CADM2: variants seen among roughly 807,000 people sequenced by gnomAD.
CADM2 encodes immunoglobulin superfamily member 4D.
In CADM2, 12 loss-of-function variants were observed where a neutral mutation model predicts 49.8. The observed-to-expected ratio is 0.24, with a 90% CI of 0.15 to 0.39. The LOEUF is 0.39. Ranked by LOEUF, CADM2 falls within the 10% of genes least tolerant of loss-of-function variation. The pLI is 1.00. For missense variants in CADM2, 378 were observed against 492.3 expected, an observed-to-expected ratio of 0.77 and a Z score of 2.20; for synonymous variants, 214 against 175.4, an observed-to-expected ratio of 1.22 and a Z score of -1.74.
At chr3:85,538,637 T>C (rs2061475149) in intron 1 of CADM2, among the ~76,000 whole-genome samples, 2 of 152,260 alleles carry the variant, frequency 1.3e-5, no homozygotes, top group Middle Eastern at 3.4e-3. Context: ...CACTATGTTG[T>C]ATAAAATTTT....
In CADM2 at chr3:85,986,866, G is replaced by A. The variant is rs533299093; in HGVS notation, c.970+25219G>A. Among the ~76,000 whole-genome samples the A allele has an allele frequency of 3.2e-3, 494 of 152,152 alleles. 1 individual carries two copies. The highest frequency in any genetic ancestry group is 5.2e-3 in the Non-Finnish European group (355 of 67,988). On this transcript the variant is annotated intron_variant, in intron 8 of 9. Transcript: ENST00000383699. ...GTGGCTGCAGGCAGGATGTGGGTAG[G>A]AATACTGGCTTGGGGGTCCAGGATT...
chr3:85,736,660 C>T (rs1160136908), intron 2 of CADM2, among the ~76,000 whole-genome samples: 1 of 151,666 alleles, frequency 6.6e-6, no homozygotes, highest in Non-Finnish European at 1.5e-5. Context: ...ATTATTATTT[C>T]CTTGTTTGCT....
intron 1 of CADM2, among the ~76,000 whole-genome samples, chr3:85,380,503 AATT>A (rs2107352032): frequency 6.6e-6 from 1 of 152,052 alleles, no homozygotes. Flanking sequence ...CCCAATTTTT[AATT>A]ATTAAGAATG....
intron 1 of CADM2, among the ~76,000 whole-genome samples, chr3:85,500,436 A>G (rs1323129278): frequency 6.6e-6 from 1 of 152,158 alleles, no homozygotes; most frequent in Non-Finnish European, 1.5e-5. Context: ...TTAGTAATAC[A>G]TAAAATAATG....
chr3:85,942,749 G>C (rs533460247), intron 7 of CADM2, among the ~76,000 whole-genome samples: 47 of 151,874 alleles, frequency 3.1e-4, no homozygotes, highest in African/African-American at 1.1e-3. Flanking sequence ...GGACATTTGG[G>C]TTGGTTCCAA....
At chr3:85,712,805 G>T (rs1164093165) in intron 1 of CADM2, among the ~76,000 whole-genome samples, 1 of 151,606 alleles carries the variant, frequency 6.6e-6, no homozygotes, top group Non-Finnish European at 1.5e-5. Flanking sequence ...GGTCATGTTT[G>T]ACTTTTTATT....
chr3:85,280,091 T>C (rs1275977363), intron 1 of CADM2, among the ~76,000 whole-genome samples: 1 of 151,664 alleles, frequency 6.6e-6, no homozygotes, highest in Non-Finnish European at 1.5e-5. Context: ...TATCATATCA[T>C]TGCCAAGACC....
intron 6 of CADM2, among the ~76,000 whole-genome samples, chr3:85,930,353 T>C (rs1008199905): frequency 6.6e-6 from 1 of 152,102 alleles, no homozygotes; most frequent in African/African-American, 2.4e-5. Flanking sequence ...ATTTATGGGG[T>C]ACATGAGATG....
intron 1 of CADM2, among the ~76,000 whole-genome samples, chr3:85,557,860 A>G (rs68028504): frequency 0.51 from 77,561 of 151,616 alleles, 22,892 homozygotes; most frequent in East Asian, 0.85. Context: ...TCATAAAGAC[A>G]TTTTTTGCTA....
chr3:85,298,183 C>T (rs1262686285), intron 1 of CADM2, among the ~76,000 whole-genome samples: 1 of 152,050 alleles, frequency 6.6e-6, no homozygotes, highest in Non-Finnish European at 1.5e-5. Flanking sequence ...TGCAGGTTGA[C>T]ATTGCTGAGT....
intron 1 of CADM2, among the ~76,000 whole-genome samples, chr3:85,326,815 A>ATTAT (rs1207429143): frequency 6.6e-6 from 1 of 152,150 alleles, no homozygotes; most frequent in Non-Finnish European, 1.5e-5. Context: ...CTTAAATATA[A>ATTAT]TTATATGGTG....
intron 1 of CADM2, among the ~76,000 whole-genome samples, chr3:84,969,470 T>G (rs2031255730): frequency 6.6e-6 from 1 of 151,694 alleles, no homozygotes; most frequent in South Asian, 2.1e-4. Flanking sequence ...CGTATATTAT[T>G]ATTATAGTAT....
At chr3:85,273,921 G>C (rs1246327131) in intron 1 of CADM2, among the ~76,000 whole-genome samples, 1 of 151,408 alleles carries the variant, frequency 6.6e-6, no homozygotes, top group Non-Finnish European at 1.5e-5. Context: ...GTTTACAGGA[G>C]AGGAAGATAA....
intron 1 of CADM2, among the ~76,000 whole-genome samples, chr3:85,115,828 T>C (rs1205014880): frequency 1.3e-5 from 2 of 152,162 alleles, no homozygotes; most frequent in African/African-American, 2.4e-5. Context: ...TGTGAGCTCA[T>C]GGTGATGGCA....
intron 2 of CADM2, among the ~76,000 whole-genome samples, chr3:85,792,978 A>G (rs1413552201): frequency 6.6e-6 from 1 of 152,030 alleles, no homozygotes; most frequent in Non-Finnish European, 1.5e-5. Context: ...TAGACAGTGA[A>G]GGCACCATGG....
At chr3:85,878,098 G>A (rs75070642) in intron 3 of CADM2, among the ~76,000 whole-genome samples, 3 of 152,022 alleles carry the variant, frequency 2.0e-5, no homozygotes, top group African/African-American at 7.2e-5. Flanking sequence ...AATCTTGTTA[G>A]GCAGCTCTAT....
intron 1 of CADM2, among the ~76,000 whole-genome samples, chr3:84,996,704 C>A (rs2033196600): frequency 1.3e-5 from 2 of 151,930 alleles, no homozygotes; most frequent in South Asian, 4.1e-4. Context: ...TGTCTGGTAA[C>A]TTTAGAATAT....
At position 85,467,820 on chromosome 3, in the gene CADM2, G is replaced by A. The variant is rs1261254485; in HGVS notation, c.62-258702G>A. On this transcript the variant is annotated intron_variant, in intron 1 of 9. Transcript: ENST00000383699. Reference sequence around the variant, plus strand: ...AAGGCCAACCCTGATGTAGAGATATGTGTGAAAGCACAGCAGGTCCTGAAA... The same window carrying A: ...AAGGCCAACCCTGATGTAGAGATATATGTGAAAGCACAGCAGGTCCTGAAA... Among the ~76,000 whole-genome samples, 17 of 152,130 alleles carry A rather than the reference G, an allele frequency of 1.1e-4. 1 individual carries two copies. Among genetic ancestry groups the A allele is most frequent in the Admixed American group, 1.0e-3 (16 of 15,280 alleles).
intron 1 of CADM2, among the ~76,000 whole-genome samples, chr3:85,390,588 G>A (rs532135020): frequency 1.3e-4 from 19 of 151,980 alleles, no homozygotes; most frequent in African/African-American, 3.4e-4. Flanking sequence ...CTTCACAAGC[G>A]TTTCCTCTAA....
Sources: gnomAD v4.1 joint callset for allele counts (sites outside exome capture counted in the v4.1 genomes callset) on GRCh38, gnomAD v4.1.1 for gene constraint, MANE v1.5 for transcripts, NCBI Gene and HGNC (gene_info 2026-07-23, HGNC 2026-07-21) for gene names.